SLC6A11: variants seen among roughly 807,000 people sequenced by gnomAD.
SLC6A11 encodes sodium- and chloride-dependent GABA transporter 3.
SLC6A11 carries 25 observed loss-of-function variants against 74.8 expected under a neutral mutation model. That is an observed-to-expected ratio of 0.33 (90% confidence interval 0.24 to 0.47). The LOEUF is 0.47. SLC6A11 is among the 20% of genes least tolerant of loss of function. The pLI is 1.00. For synonymous variants in SLC6A11, 330 were observed against 330.2 expected (o/e 1.00, Z 0.01); for missense variants, 574 against 837.0 (o/e 0.69, Z 3.88).
intron 5 of SLC6A11, among the ~76,000 whole-genome samples, chr3:10,855,316 A>G (rs984764056): frequency 6.6e-6 from 1 of 152,224 alleles, no homozygotes; most frequent in African/African-American, 2.4e-5. Flanking sequence ...TAGTGGCAGA[A>G]CTATGATAAT....
At chr3:10,823,164 C>T (rs1694159228) in intron 3 of SLC6A11, 138 bp from the exon 4 acceptor site, 1 of 644,800 alleles carries the variant, frequency 1.6e-6, no homozygotes, top group Admixed American at 2.2e-5. Flanking sequence ...ATTGATTTTC[C>T]CCACTGCCCT....
chr3:10,845,594 G>A (rs1694493152), intron 5 of SLC6A11, among the ~76,000 whole-genome samples: 1 of 152,138 alleles, frequency 6.6e-6, no homozygotes, highest in South Asian at 2.1e-4. Flanking sequence ...CCACAATGGT[G>A]GGTAGGATGA....
intron 5 of SLC6A11, among the ~76,000 whole-genome samples, chr3:10,852,606 C>T (rs73115409): frequency 0.012 from 1,898 of 152,344 alleles, 28 homozygotes; most frequent in African/African-American, 0.044. Context: ...CCAGGAGTCC[C>T]AGTGGCGGGG....
chr3:10,902,088 G>GTGTGTGTGTGGGTC (rs1227453082), intron 6 of SLC6A11, among the ~76,000 whole-genome samples: 3 of 64,974 alleles, frequency 4.6e-5, no homozygotes, highest in African/African-American at 2.8e-4. Flanking sequence ...GTGTGGGTCT[G>GTGTGTGTGTGGGTC]TGTGTGTGTG....
At chr3:10,863,969 T>C (rs1491002318) in intron 5 of SLC6A11, among the ~76,000 whole-genome samples, 1 of 152,170 alleles carries the variant, frequency 6.6e-6, no homozygotes, top group East Asian at 1.9e-4. Context: ...TGCTTCAGTG[T>C]CCATCTCTGT....
Position 10,873,003 on chromosome 3 carries a change from A to G in SLC6A11, c.757-1958A>G, listed in dbSNP as rs558797755. 5.9e-5 allele frequency among the ~76,000 whole-genome samples: 9 copies of G among 152,278 alleles called. No individual in the cohort carries two copies. The South Asian group carries it at 1.9e-3, about 32-fold the overall frequency. On this transcript the variant is annotated intron_variant, in intron 5 of 13. Transcript: ENST00000254488. The stretch of plus-strand genomic sequence containing the variant: ...CAGGCCCCACTGAGAGGACAGAACC[A>G]AGTGATTGGAGGAGTGAGTGTGACA...
intron 4 of SLC6A11, among the ~76,000 whole-genome samples, chr3:10,839,721 C>G (rs1460194129): frequency 6.6e-6 from 1 of 152,224 alleles, no homozygotes; most frequent in East Asian, 1.9e-4. Context: ...CCAGTAGCCT[C>G]TGGGCATTGC....
rs919796418 is a variant in SLC6A11, at chr3:10,817,869, C to T, written c.256+1348C>T. ...CCCCCAACGTGCCCTGTGCTCTCGG[C>T]TGTGAATCCTGCCTCTCTGCAGATA... On this transcript the variant is annotated intron_variant, in intron 1 of 13. Coordinates refer to ENST00000254488, the MANE Select transcript of SLC6A11 (RefSeq NM_014229.3). Among the ~76,000 whole-genome samples, 12 of 152,296 alleles carry T rather than the reference C, an allele frequency of 7.9e-5. No individual in the cohort carries two copies. The South Asian group carries it at 8.3e-4, about 11-fold the overall frequency.
intron 13 of SLC6A11, among the ~76,000 whole-genome samples, chr3:10,937,478 A>G (rs1344527823): frequency 1.3e-5 from 2 of 152,184 alleles, no homozygotes; most frequent in Non-Finnish European, 2.9e-5. Flanking sequence ...GAAACCAGCC[A>G]CCCAAAAGAC....
chr3:10,889,572 C>G (rs556997524), intron 6 of SLC6A11, among the ~76,000 whole-genome samples: 1 of 152,224 alleles, frequency 6.6e-6, no homozygotes, highest in Non-Finnish European at 1.5e-5. Flanking sequence ...GCTTCTGTCT[C>G]TAAAACCTTA....
chr3:10,897,439 G>C (rs1157364669), intron 6 of SLC6A11, among the ~76,000 whole-genome samples: 1 of 152,186 alleles, frequency 6.6e-6, no homozygotes, highest in East Asian at 1.9e-4. Flanking sequence ...TGGAGGTACA[G>C]GCATTGGGTA....
At chr3:10,833,728 G>C (rs1694328652) in intron 4 of SLC6A11, among the ~76,000 whole-genome samples, 1 of 152,178 alleles carries the variant, frequency 6.6e-6, no homozygotes, top group Non-Finnish European at 1.5e-5. Flanking sequence ...TGCAAAATGG[G>C]AATAATTGTT....
intron 8 of SLC6A11, among the ~76,000 whole-genome samples, chr3:10,925,243 C>A (rs1199932245): frequency 6.6e-6 from 1 of 152,242 alleles, no homozygotes; most frequent in Non-Finnish European, 1.5e-5. Flanking sequence ...GATTTCATGT[C>A]TATTAAGCAT....
intron 6 of SLC6A11, among the ~76,000 whole-genome samples, chr3:10,905,719 T>C (rs1695294361): frequency 6.6e-6 from 1 of 152,246 alleles, no homozygotes; most frequent in Non-Finnish European, 1.5e-5. Flanking sequence ...ATATCAGTTA[T>C]GCTTTCTGTA....
chr3:10,937,183 G>A (rs552534024), intron 13 of SLC6A11, among the ~76,000 whole-genome samples: 62 of 152,282 alleles, frequency 4.1e-4, no homozygotes, highest in African/African-American at 1.3e-3. Context: ...TACTAACCCC[G>A]GAAGGCAGGT....
intron 5 of SLC6A11, among the ~76,000 whole-genome samples, chr3:10,870,852 C>T (rs1351720178): frequency 2.0e-5 from 3 of 152,180 alleles, no homozygotes; most frequent in Non-Finnish European, 4.4e-5. Flanking sequence ...TAATGCCTGC[C>T]AGCCAGTGGT....
chr3:10,937,569 TG>T (rs1695773364), intron 13 of SLC6A11, among the ~76,000 whole-genome samples: 1 of 152,130 alleles, frequency 6.6e-6, no homozygotes. Context: ...CCAGGAAACT[TG>T]GGGAGTGCAG....
intron 6 of SLC6A11, among the ~76,000 whole-genome samples, chr3:10,906,877 C>T (rs1695309490): frequency 6.6e-6 from 1 of 152,190 alleles, no homozygotes. Flanking sequence ...AAGGAAAGTT[C>T]AGACTGCAAG....
At chr3:10,883,225 T>G (rs1215295168) in intron 6 of SLC6A11, among the ~76,000 whole-genome samples, 3 of 152,238 alleles carry the variant, frequency 2.0e-5, no homozygotes, top group Non-Finnish European at 2.9e-5. Flanking sequence ...TTTGTTGGTC[T>G]TCACTGTCAG....
Sources: allele counts gnomAD v4.1 joint callset (sites outside exome capture counted in the v4.1 genomes callset), GRCh38; gene constraint gnomAD v4.1.1; transcripts MANE v1.5; gene names NCBI Gene and HGNC (gene_info 2026-07-23, HGNC 2026-07-21).